PKLR: variants seen among roughly 807,000 people sequenced by gnomAD.
PKLR encodes the protein pyruvate kinase L/R.
PKLR carries 38 observed loss-of-function variants against 53.6 expected under a neutral mutation model. That is an observed-to-expected ratio of 0.71 (90% confidence interval 0.55 to 0.93). The LOEUF is 0.93. PKLR is among the 40% of genes least tolerant of loss of function. The pLI is 0.00. For missense variants in PKLR, 702 were observed against 787.3 expected (o/e 0.89, Z 1.30); for synonymous variants, 328 against 316.2 (o/e 1.04, Z -0.39).
intron 2 of PKLR, among the ~76,000 whole-genome samples, chr1:155,298,767 G>A (rs1346691537): frequency 6.6e-6 from 1 of 151,674 alleles, no homozygotes; most frequent in Non-Finnish European, 1.5e-5. Flanking sequence ...TCAGCCTCCC[G>A]AGTAGCTGGG....
rs375544947 is a variant in PKLR at position 155,295,652 on chromosome 1, G to A, written c.375+13C>T. The A allele has an allele frequency of 6.2e-6, 10 of 1,613,906 alleles. No individual in the cohort carries two copies. In the African/African-American group the frequency reaches 1.3e-4, roughly 22 times the overall value. On this transcript the variant is annotated intron_variant, in intron 3 of 10. Coordinates refer to ENST00000342741, the MANE Select transcript of PKLR (RefSeq NM_000298.6). This position sits in a 1 kb window ranked among gnomAD's most constrained non-coding sequence, Gnocchi z 4.3. ...CTCCTGCCCCACCCACTGCCCGGCGGCCCGTCCCGCACCTCGTGGGAGCCG... is the reference window on the plus strand; with the variant it reads ...CTCCTGCCCCACCCACTGCCCGGCGACCCGTCCCGCACCTCGTGGGAGCCG...
upstream of PKLR, among the ~76,000 whole-genome samples, chr1:155,304,761 C>CAGTTAAT (rs1385098960): frequency 4.6e-5 from 7 of 152,158 alleles, no homozygotes; most frequent in African/African-American, 1.4e-4. Context: ...TTTGAGAAGC[C>CAGTTAAT]AGTTAATCAT....
chr1:155,293,053 C>T lies in PKLR; in HGVS notation c.1436+124G>A, dbSNP rs2148201275. On this transcript the variant is annotated intron_variant, in intron 9 of 10. Coordinates refer to ENST00000342741, the MANE Select transcript of PKLR (RefSeq NM_000298.6). The surrounding 1 kb of genome is among the most constrained non-coding windows in gnomAD (Gnocchi z 4.2). ...CCTGGCCTCCAGCTGTCATTGCTGCCTCTCCTCTTGTCTCAGGTGGACACT... is the reference window on the plus strand; with the variant it reads ...CCTGGCCTCCAGCTGTCATTGCTGCTTCTCCTCTTGTCTCAGGTGGACACT... 5 of 1,012,176 alleles carry T rather than the reference C, an allele frequency of 4.9e-6. No homozygotes were observed. Among genetic ancestry groups the T allele is most frequent in the Non-Finnish European group, 7.8e-6 (5 of 640,272 alleles). 62.7% of individuals were successfully genotyped at this position (1,012,176 alleles called of 1,614,324 possible).
chr1:155,308,575 A>C, the PKLR span: 4 of 985,330 alleles, frequency 4.1e-6, no homozygotes, highest in Non-Finnish European at 2.4e-6. Flanking sequence ...CTGCCCAGGA[A>C]GATAATGAAA....
chr1:155,302,390 C>T (rs1172963318), upstream of PKLR, among the ~76,000 whole-genome samples: 1 of 151,998 alleles, frequency 6.6e-6, no homozygotes, highest in African/African-American at 2.4e-5. Context: ...GCATGCACCA[C>T]CACGCCTGGC....
chr1:155,295,307 G>T lies in PKLR; in HGVS notation c.508-5C>A. The T allele has an allele frequency of 6.2e-7, 1 of 1,613,920 alleles. No homozygotes were observed. The highest frequency in any genetic ancestry group is 8.5e-7 in the Non-Finnish European group (1 of 1,179,894). On this transcript the variant is annotated splice_polypyrimidine_tract_variant and splice_region_variant and intron_variant, in intron 4 of 10. Coordinates refer to ENST00000342741, the MANE Select transcript of PKLR (RefSeq NM_000298.6). This position sits in a 1 kb window ranked among gnomAD's most constrained non-coding sequence, Gnocchi z 4.3. Reference sequence around the variant, plus strand: ...CTCCACTTCCGACTCTGGACCCTAAGGAGGGAGCCAGAGGAGATGTGAGTT... The same window carrying T: ...CTCCACTTCCGACTCTGGACCCTAATGAGGGAGCCAGAGGAGATGTGAGTT...
chr1:155,298,160 C>T (rs1027171900), intron 2 of PKLR, among the ~76,000 whole-genome samples: 1 of 151,976 alleles, frequency 6.6e-6, no homozygotes, highest in Non-Finnish European at 1.5e-5. Context: ...CTCAGCCTTC[C>T]GAGTAGCTGG....
At position 155,290,657 on chromosome 1, in the gene PKLR, C is replaced by T. The variant is rs375525211; in HGVS notation, c.1640G>A (p.Arg547His). The stretch of plus-strand genomic sequence containing the variant: ...CACCACAATCACCAGGTCTCCAACA[C>T]GGAGGAAGCCACGGAGCTTTCCTGG... Reference protein sequence around the residue: ...IESGKLRGFLRVGDLVIVVTG... With the variant: ...IESGKLRGFLHVGDLVIVVTG... The change falls in exon 11 of 11, where the codon CGT (arginine) becomes CAT (histidine). Residue 547 changes from arginine (R) to histidine (H), a missense_variant. Arg to His is a conservative substitution (Grantham distance 29, BLOSUM62 0). Coordinates refer to ENST00000342741, the MANE Select transcript of PKLR (RefSeq NM_000298.6). 97 of 1,612,054 alleles carry T rather than the reference C, an allele frequency of 6.0e-5. No individual in the cohort carries two copies. The highest frequency in any genetic ancestry group is 1.6e-4 in the Middle Eastern group (1 of 6,080).
At position 155,295,810 on chromosome 1, in the gene PKLR, C is replaced by G. The variant is rs1647560466; in HGVS notation, c.284-54G>C. 6.8e-7 allele frequency: 1 copy of G among 1,463,208 alleles called. No individual in the cohort carries two copies. The highest frequency in any genetic ancestry group is 1.4e-5 in the African/African-American group (1 of 72,080). The allele number at this position is 1,463,208 out of a possible 1,614,324, so 90.6% of individuals were successfully genotyped here. Reference sequence around the variant, plus strand: ...CGTTCCCCCAGAACATGAGAGGCAACCAAACCCAACCCATTACCATTCTCA... The same window carrying G: ...CGTTCCCCCAGAACATGAGAGGCAAGCAAACCCAACCCATTACCATTCTCA... On this transcript the variant is annotated intron_variant, in intron 2 of 10. Transcript: ENST00000342741. This position sits in a 1 kb window ranked among gnomAD's most constrained non-coding sequence, Gnocchi z 4.3.
intron 2 of PKLR, among the ~76,000 whole-genome samples, chr1:155,299,008 T>TTCTTTCTTTCTTTCTTTCTTTCTTTC (rs1262516169): frequency 1.0e-5 from 1 of 96,872 alleles, no homozygotes. Flanking sequence ...CTTTCTTTCT[T>TTCTTTCTTTCTTTCTTTCTTTCTTTC]TCTTTCTTTC....
chr1:155,308,523 G>A, the PKLR span: 1 of 981,154 alleles, frequency 1.0e-6, no homozygotes, highest in South Asian at 4.7e-5. Flanking sequence ...ACTAATAAGT[G>A]AGAAAGCTAG....
chr1:155,304,725 C>A (rs947128059), upstream of PKLR, among the ~76,000 whole-genome samples: 1 of 152,202 alleles, frequency 6.6e-6, no homozygotes, highest in Admixed American at 6.5e-5. Context: ...GGGGGAAATT[C>A]AAGCTTTCTG....
intron 7 of PKLR, among the ~76,000 whole-genome samples, 171 bp downstream of exon 7, chr1:155,294,064 C>T (rs1647390025): frequency 1.3e-5 from 2 of 152,136 alleles, no homozygotes; most frequent in South Asian, 2.1e-4. Context: ...ACCCAAGAGG[C>T]GGAGGTTGCA....
At position 155,295,117 on chromosome 1, in the gene PKLR, G is replaced by T. The variant is rs1647484745; in HGVS notation, c.693C>A (p.Ile231=). The T allele has an allele frequency of 6.2e-7, 1 of 1,613,836 alleles. No individual in the cohort carries two copies. Among genetic ancestry groups the T allele is most frequent in the Admixed American group, 1.7e-5 (1 of 60,012 alleles). ...TCAGGGCGGGAGGCGCGTCCGCACCGATTTTCTGGACCACTAGGGAGATGA... is the reference window on the plus strand; with the variant it reads ...TCAGGGCGGGAGGCGCGTCCGCACCTATTTTCTGGACCACTAGGGAGATGA... ...DGLISLVVQK[I]GPEGLVTQVE... Residue 231 remains isoleucine, a splice_region_variant and synonymous_variant, in exon 5 of 11, where the codon ATC becomes ATA. Coordinates refer to ENST00000342741, the MANE Select transcript of PKLR (RefSeq NM_000298.6). The surrounding 1 kb of genome is among the most constrained non-coding windows in gnomAD (Gnocchi z 4.3).
At chr1:155,306,978 G>A in the PKLR span, among the ~76,000 whole-genome samples, 1 of 152,150 alleles carries the variant, frequency 6.6e-6, no homozygotes, top group Non-Finnish European at 1.5e-5. This position sits in a 1 kb window ranked among gnomAD's most constrained non-coding sequence, Gnocchi z 4.2. Flanking sequence ...CTCCCGGAGC[G>A]ATCTCGGTTC....
At chr1:155,308,188 A>G in the PKLR span, among the ~76,000 whole-genome samples, 4 of 150,192 alleles carry the variant, frequency 2.7e-5, no homozygotes, top group African/African-American at 9.8e-5. Flanking sequence ...AGCCCTCCTG[A>G]GTGGCTGGGA....
rs781481607 is a variant in PKLR at position 155,295,074 on chromosome 1, C to G, written c.694+42G>C. 114 of 1,602,372 alleles carry G rather than the reference C, an allele frequency of 7.1e-5. No individual in the cohort carries two copies. The Middle Eastern group carries it at 1.5e-3, about 22-fold the overall frequency. ...GGGGAGCCAAGGAGAAGGGAATGTG[C>G]CCAGCGCACGGATGTGGTCAGGGCG... On this transcript the variant is annotated intron_variant, in intron 5 of 10. Transcript: ENST00000342741. The surrounding 1 kb of genome is among the most constrained non-coding windows in gnomAD (Gnocchi z 4.3).
chr1:155,291,629 T>C, intron 10 of PKLR, 127 bp downstream of exon 10: 2 of 805,072 alleles, frequency 2.5e-6, no homozygotes, highest in Non-Finnish European at 2.2e-6. Flanking sequence ...TCAGTCTTAG[T>C]GACTCTCACA....
Position 155,293,186 on chromosome 1 carries a change from G to T in PKLR, c.1427C>A (p.Thr476Lys), listed in dbSNP as rs1433195419. ...CCAAAIIVLT[T>K]TGRSAQLLSR... ...CCAATATCCCCCTCACCGGCCAGTT[G>T]TGGTCAGCACAATGATGGCAGCAGC... Residue 476 changes from threonine to lysine, a missense_variant, in exon 9 of 11, where the codon ACA becomes AAA. Thr to Lys is a moderately conservative substitution (Grantham distance 78, BLOSUM62 -1). Around this residue, in one of 2 missense-constraint regions of PKLR, gnomAD observed 183 missense variants for 250.2 expected, o/e 0.73. Transcript: ENST00000342741. The surrounding 1 kb of genome is among the most constrained non-coding windows in gnomAD (Gnocchi z 4.2). 6.3e-7 allele frequency: 1 copy of T among 1,587,700 alleles called. No homozygotes were observed. The highest frequency in any genetic ancestry group is 1.7e-5 in the Admixed American group (1 of 59,212).
Sources: allele counts gnomAD v4.1 joint callset (sites outside exome capture counted in the v4.1 genomes callset), GRCh38; gene constraint gnomAD v4.1.1; regional missense constraint gnomAD v4.1.1; non-coding constraint Gnocchi (gnomAD v3.1); transcripts MANE v1.5; gene names NCBI Gene and HGNC (gene_info 2026-07-23, HGNC 2026-07-21).